PHLPP1: variants seen among roughly 807,000 people sequenced by gnomAD.
PHLPP1 encodes the protein PH domain leucine-rich repeat-containing protein phosphatase 1.
PHLPP1 carries 42 observed loss-of-function variants against 117.2 expected under a neutral mutation model. The observed-to-expected ratio is 0.36, with a 90% CI of 0.28 to 0.46. The LOEUF is 0.46. Among genes scored for constraint, PHLPP1 ranks in the 20% least tolerant of loss-of-function variants. The pLI, the probability that PHLPP1 is intolerant of heterozygous loss-of-function variation, is 1.00. For synonymous variants in PHLPP1, 1,042 were observed against 970.7 expected (o/e 1.07, Z -1.37); for missense variants, 2,084 against 2,241.9 (o/e 0.93, Z 1.42).
chr18:62,719,056 C>G (rs1030607342), intron 1 of PHLPP1, among the ~76,000 whole-genome samples: 19 of 152,106 alleles, frequency 1.2e-4, no homozygotes, highest in Non-Finnish European at 2.8e-4. Context: ...ATCTTTTAAT[C>G]TTTTTGTTTT....
intron 4 of PHLPP1, among the ~76,000 whole-genome samples, chr18:62,891,470 C>T (rs1219569010): frequency 6.6e-6 from 1 of 152,120 alleles, no homozygotes; most frequent in Non-Finnish European, 1.5e-5. Flanking sequence ...CACCTGTAAT[C>T]CCAGCTACCT....
At chr18:62,969,850 T>A (rs1911002028) in intron 14 of PHLPP1, among the ~76,000 whole-genome samples, 1 of 152,212 alleles carries the variant, frequency 6.6e-6, no homozygotes, top group Non-Finnish European at 1.5e-5. Flanking sequence ...TTAACCTATT[T>A]GTCTCATATT....
intron 1 of PHLPP1, among the ~76,000 whole-genome samples, chr18:62,728,782 C>T (rs35306565): frequency 0.019 from 2,894 of 152,268 alleles, 36 homozygotes; most frequent in Non-Finnish European, 0.03. Flanking sequence ...GCTGGGATTA[C>T]AGGCATGAGC....
At chr18:62,834,757 C>G (rs952619735) in intron 2 of PHLPP1, among the ~76,000 whole-genome samples, 3 of 152,096 alleles carry the variant, frequency 2.0e-5, no homozygotes, top group African/African-American at 7.2e-5. Flanking sequence ...CTGTATACCC[C>G]CATTAAACCA....
At chr18:62,728,504 C>CTTT (rs761250873) in intron 1 of PHLPP1, among the ~76,000 whole-genome samples, 1 of 137,968 alleles carries the variant, frequency 7.2e-6, no homozygotes. Flanking sequence ...TTATCTTTAT[C>CTTT]TTTTTTTTTT....
At chr18:62,897,387 G>A (rs1420854155) in intron 6 of PHLPP1, among the ~76,000 whole-genome samples, 1 of 152,198 alleles carries the variant, frequency 6.6e-6, no homozygotes, top group Admixed American at 6.5e-5. Context: ...TAGACACTCT[G>A]TAAATGTTGC....
intron 4 of PHLPP1, among the ~76,000 whole-genome samples, chr18:62,874,848 C>T (rs571529629): frequency 6.6e-6 from 1 of 152,346 alleles, no homozygotes; most frequent in South Asian, 2.1e-4. Flanking sequence ...CAGCGATCCT[C>T]ACCAGGAATT....
At chr18:62,806,805 A>G (rs1040662192) in intron 1 of PHLPP1, among the ~76,000 whole-genome samples, 1 of 152,124 alleles carries the variant, frequency 6.6e-6, no homozygotes, top group African/African-American at 2.4e-5. Flanking sequence ...CTTCAACTCT[A>G]AAGCTTTTAA....
At chr18:62,735,447 G>A (rs1461650334) in intron 1 of PHLPP1, among the ~76,000 whole-genome samples, 3 of 152,032 alleles carry the variant, frequency 2.0e-5, no homozygotes, top group Admixed American at 6.6e-5. Context: ...TGTCTTGTTT[G>A]TATAGTTGGA....
At chr18:62,826,026 A>G (rs1289102015) in intron 1 of PHLPP1, among the ~76,000 whole-genome samples, 1 of 152,222 alleles carries the variant, frequency 6.6e-6, no homozygotes, top group Non-Finnish European at 1.5e-5. Context: ...CATGTTTGGA[A>G]TGTGATTTAA....
intron 8 of PHLPP1, among the ~76,000 whole-genome samples, chr18:62,907,587 A>G (rs1288472034): frequency 1.4e-5 from 2 of 142,418 alleles, no homozygotes; most frequent in East Asian, 4.0e-4. Flanking sequence ...CGAGAAGGGA[A>G]GTTTAGAGAA....
In PHLPP1 at chr18:62,978,354, C is replaced by G; in HGVS notation, c.4077C>G (p.Ser1359=). 1.2e-6 allele frequency: 2 copies of G among 1,612,660 alleles called. No homozygotes were observed. Among genetic ancestry groups the G allele is most frequent in the Non-Finnish European group, 1.7e-6 (2 of 1,179,122 alleles). ...PSVVPRPHVQ[S]VLLTPQDEFF... ...TGGTGCCTCGCCCCCACGTGCAGTC[C>G]GTGCTCCTGACTCCCCAGGATGAGT... Residue 1359 remains serine (S), a synonymous_variant, in exon 17 of 17, where the codon TCC becomes TCG. Coordinates refer to ENST00000262719, the MANE Select transcript of PHLPP1 (RefSeq NM_194449.4). This position sits in a 1 kb window ranked among gnomAD's most constrained non-coding sequence, Gnocchi z 7.0.
chr18:62,953,152 AT>A (rs1910512071), intron 12 of PHLPP1, among the ~76,000 whole-genome samples: 1 of 152,244 alleles, frequency 6.6e-6, no homozygotes, highest in African/African-American at 2.4e-5. Flanking sequence ...GTGCATATTT[AT>A]TTTACTATTA....
intron 3 of PHLPP1, among the ~76,000 whole-genome samples, chr18:62,847,560 A>C (rs2144349064): frequency 6.6e-6 from 1 of 152,334 alleles, no homozygotes; most frequent in Middle Eastern, 3.4e-3. Flanking sequence ...GCTGCATTTT[A>C]AAGTTGTAAA....
intron 1 of PHLPP1, among the ~76,000 whole-genome samples, chr18:62,829,715 G>A (rs939012244): frequency 2.6e-5 from 4 of 152,060 alleles, no homozygotes; most frequent in African/African-American, 9.7e-5. Flanking sequence ...TTGCGCCACT[G>A]CACTCCAGCC....
chr18:62,932,026 T>C (rs77310073), intron 10 of PHLPP1, among the ~76,000 whole-genome samples: 5,794 of 151,262 alleles, frequency 0.038, 125 homozygotes, highest in Middle Eastern at 0.084. Flanking sequence ...CTAGAGGAAA[T>C]GGATAAATCC....
chr18:62,972,519 G>A lies in PHLPP1; in HGVS notation c.3566G>A (p.Cys1189Tyr). Residue 1189 changes from cysteine to tyrosine, a missense_variant, in exon 15 of 17, where the codon TGT (cysteine) becomes TAT (tyrosine). Physicochemically the swap from Cys to Tyr is radical, Grantham distance 194 (BLOSUM62 -2). Around this residue, in one of 2 missense-constraint regions of PHLPP1, gnomAD observed 1,365 missense variants for 1,605.9 expected, o/e 0.85. Transcript: ENST00000262719. ...GAAGTGTGGTTGCCTTGCAGGTTGT[G>A]TGTCGCAGCCCTGTCGGTGAATAAC... is the stretch of plus-strand genomic sequence containing the variant. ...TEASGVKNKL[C>Y]VAALSVNNFC... is the part of the protein sequence containing the mutation. 1 of 1,612,178 alleles carries A rather than the reference G, an allele frequency of 6.2e-7. No homozygotes were observed. Among genetic ancestry groups the A allele is most frequent in the African/African-American group, 1.3e-5 (1 of 74,984 alleles).
chr18:62,922,116 TTTTGTTTG>T (rs143839117), intron 10 of PHLPP1, among the ~76,000 whole-genome samples: 43 of 151,394 alleles, frequency 2.8e-4, no homozygotes, highest in African/African-American at 3.9e-4. Flanking sequence ...GTTTTGGGTT[TTTTGTTTG>T]TTTGTTTGTT....
Position 62,715,761 on chromosome 18 carries a change from C to A in PHLPP1, c.78C>A (p.Ala26=). Residue 26 remains alanine (A), a synonymous_variant, in exon 1 of 17, where the codon GCC becomes GCA. Coordinates refer to ENST00000262719, the MANE Select transcript of PHLPP1 (RefSeq NM_194449.4). ...GREDRASAPA[A]AAAAAAAAAA... ...AGGACCGAGCTTCGGCTCCGGCGGC[C>A]GCCGCTGCGGCAGCAGCAGCAGCAG... 2 of 986,838 alleles carry A rather than the reference C, an allele frequency of 2.0e-6. No homozygotes were observed. Among genetic ancestry groups the A allele is most frequent in the Non-Finnish European group, 2.5e-6 (2 of 804,126 alleles). The allele number at this position is 986,838 out of a possible 1,614,324, so 61.1% of individuals were successfully genotyped here.
Sources: gnomAD v4.1 joint callset for allele counts (sites outside exome capture counted in the v4.1 genomes callset) on GRCh38, gnomAD v4.1.1 for gene constraint, gnomAD v4.1.1 regional missense constraint, Gnocchi (gnomAD v3.1) non-coding constraint, MANE v1.5 for transcripts, NCBI Gene and HGNC (gene_info 2026-07-23, HGNC 2026-07-21) for gene names.